Variants in KAT6B observed in about 807,000 individuals in gnomAD.
KAT6B encodes histone acetyltransferase KAT6B.
In KAT6B, 10 loss-of-function variants were observed where a neutral mutation model predicts 187.5. The ratio of observed to expected loss-of-function variants is 0.05; its 90% CI spans 0.03 to 0.09. The LOEUF (loss-of-function observed/expected upper bound fraction) is 0.09. Among genes scored for constraint, KAT6B ranks in the 10% least tolerant of loss-of-function variants. The pLI is 1.00. For synonymous variants in KAT6B, 861 were observed against 926.8 expected, an observed-to-expected ratio of 0.93 and a Z score of 1.29; for missense variants, 1,952 against 2,558.9, an observed-to-expected ratio of 0.76 and a Z score of 5.12.
intron 3 of KAT6B, among the ~76,000 whole-genome samples, chr10:74,900,128 C>A (rs1846274262): frequency 6.6e-6 from 1 of 151,148 alleles, no homozygotes; most frequent in African/African-American, 2.4e-5. Context: ...ATAATGTTAA[C>A]ATTAATTAAG....
At chr10:75,024,668 T>A (rs1367085544) in intron 16 of KAT6B, among the ~76,000 whole-genome samples, 1 of 152,222 alleles carries the variant, frequency 6.6e-6, no homozygotes, top group East Asian at 1.9e-4. Context: ...GAAAAATATA[T>A]GCTAGAAAAG....
At chr10:74,830,902 C>G (rs796238483) in intron 1 of KAT6B, among the ~76,000 whole-genome samples, 16 of 147,258 alleles carry the variant, frequency 1.1e-4, no homozygotes, top group African/African-American at 4.0e-4. Flanking sequence ...ATTCTCCTGC[C>G]TCAGCCTCCT....
intron 3 of KAT6B, among the ~76,000 whole-genome samples, chr10:74,867,754 C>T (rs1009933026): frequency 9.2e-5 from 14 of 152,034 alleles, no homozygotes; most frequent in African/African-American, 2.9e-4. Context: ...TTCTGCAGAC[C>T]AGTTGGTCAG....
At position 75,031,148 on chromosome 10, in the gene KAT6B, T is replaced by A; in HGVS notation, c.*102T>A. ...TTTCAAAACCAGCAATTGGTGTGAA[T>A]GCAAAAACATTTGTTGGCACCATTT... is the stretch of plus-strand genomic sequence containing the variant. On this transcript the variant is annotated 3_prime_UTR_variant, in exon 18 of 18. Coordinates refer to ENST00000287239, the MANE Select transcript of KAT6B (RefSeq NM_012330.4). The A allele has an allele frequency of 1.5e-6, 2 of 1,324,870 alleles. No homozygotes were observed. The highest frequency in any genetic ancestry group is 1.1e-6 in the Non-Finnish European group (1 of 946,424). The allele number at this position is 1,324,870 out of a possible 1,614,324, so 82.1% of individuals were successfully genotyped here. A position where few individuals can be genotyped will look rare whatever the true frequency, so the allele number is the denominator to read the frequency against.
intron 3 of KAT6B, among the ~76,000 whole-genome samples, chr10:74,920,118 T>C (rs1206890193): frequency 1.3e-5 from 2 of 152,196 alleles, no homozygotes; most frequent in South Asian, 2.1e-4. Context: ...TTTGAAAAAG[T>C]ATTTATAGAA....
chr10:74,849,877 C>G (rs1278399370), intron 3 of KAT6B, among the ~76,000 whole-genome samples: 1 of 151,546 alleles, frequency 6.6e-6, no homozygotes, highest in Non-Finnish European at 1.5e-5. Context: ...AGCCAAGATT[C>G]TGACGAGACA....
At chr10:74,863,984 T>C (rs889677612) in intron 3 of KAT6B, among the ~76,000 whole-genome samples, 4 of 152,266 alleles carry the variant, frequency 2.6e-5, no homozygotes, top group Admixed American at 2.6e-4. Flanking sequence ...CAATATACAC[T>C]ACTTTTATGT....
intron 3 of KAT6B, among the ~76,000 whole-genome samples, chr10:74,918,878 A>G (rs1279864364): frequency 2.6e-5 from 4 of 152,154 alleles, no homozygotes; most frequent in Admixed American, 6.5e-5. Context: ...TTTTGACTTC[A>G]ATTGTCAATC....
chr10:74,849,951 T>G (rs1842362542), intron 3 of KAT6B, among the ~76,000 whole-genome samples: 1 of 151,896 alleles, frequency 6.6e-6, no homozygotes, highest in Non-Finnish European at 1.5e-5. Context: ...CTTTTTTTTT[T>G]TTTTTGAGAC....
intron 13 of KAT6B, among the ~76,000 whole-genome samples, chr10:75,009,727 C>T (rs3781251): frequency 0.032 from 4,936 of 152,192 alleles, 142 homozygotes; most frequent in East Asian, 0.082. Flanking sequence ...AGTCCCTGGC[C>T]GGGCGCAGTG....
At chr10:74,977,267 C>T (rs1002963106) in intron 8 of KAT6B, 49 bp from the exon 9 acceptor site, 2 of 1,602,880 alleles carry the variant, frequency 1.2e-6, no homozygotes, top group Non-Finnish European at 1.7e-6. Context: ...ATGGTGGTTA[C>T]TCATGATTCA....
chr10:74,985,065 G>GT lies in KAT6B; in HGVS notation c.2374-12dup. On this transcript the variant is annotated splice_polypyrimidine_tract_variant and intron_variant, in intron 11 of 17. Transcript: ENST00000287239. ...ATTTTTATGTTAAATAATGTTGTCT[G>GT]TTTCTTTTTGCTAGGTTGATGGGAA... The GT allele has an allele frequency of 1.2e-6, 2 of 1,611,948 alleles. No homozygotes were observed. Among genetic ancestry groups the GT allele is most frequent in the Non-Finnish European group, 1.7e-6 (2 of 1,178,112 alleles).
At chr10:74,831,751 C>T (rs1168517623) in intron 1 of KAT6B, among the ~76,000 whole-genome samples, 1 of 152,182 alleles carries the variant, frequency 6.6e-6, no homozygotes, top group Non-Finnish European at 1.5e-5. Context: ...TTGCTGCTTT[C>T]ATATTTGTTA....
chr10:74,865,661 G>T (rs189219112), intron 3 of KAT6B, among the ~76,000 whole-genome samples: 1 of 151,876 alleles, frequency 6.6e-6, no homozygotes, highest in African/African-American at 2.4e-5. Flanking sequence ...GATTACAGGC[G>T]TGCACCACCA....
intron 16 of KAT6B, 50 bp from the exon 17 acceptor site, chr10:75,024,908 C>A (rs781462988): frequency 9.0e-6 from 14 of 1,560,080 alleles, no homozygotes; most frequent in African/African-American, 1.4e-5. Flanking sequence ...TCGACTCAAC[C>A]ATTTAATTTC....
At chr10:74,868,476 C>T (rs961150970) in intron 3 of KAT6B, among the ~76,000 whole-genome samples, 1 of 152,106 alleles carries the variant, frequency 6.6e-6, no homozygotes, top group African/African-American at 2.4e-5. Flanking sequence ...TTTCTCTTCT[C>T]AGAGATTTTT....
chr10:74,908,313 G>A lies in KAT6B; in HGVS notation c.622-51657G>A, dbSNP rs545181436. Among the ~76,000 whole-genome samples the A allele has an allele frequency of 4.1e-3, 629 of 152,026 alleles. 3 individuals are homozygous for A. The highest frequency in any genetic ancestry group is 7.8e-3 in the Non-Finnish European group (529 of 67,936). ...CACAGTGGCTCATGCCTGTAATCGC[G>A]GCACTTTGGGAGGCCGAGGCGGGCA... On this transcript the variant is annotated intron_variant, in intron 3 of 17. Transcript: ENST00000287239.
At chr10:74,923,696 G>C (rs1848300932) in intron 3 of KAT6B, among the ~76,000 whole-genome samples, 1 of 152,214 alleles carries the variant, frequency 6.6e-6, no homozygotes. Context: ...CTGGCGTGGA[G>C]AGAGAGGGGA....
Position 74,887,909 on chromosome 10 carries a change from T to G in KAT6B, c.621+44431T>G, listed in dbSNP as rs528525156. ...TCCAGTGCTTTGGGCTGAGGCACTT[T>G]GGGGAGATTGAGACTGCAGTAAGCT... On this transcript the variant is annotated intron_variant, in intron 3 of 17. Transcript: ENST00000287239. 3.1e-4 allele frequency among the ~76,000 whole-genome samples: 47 copies of G among 152,044 alleles called. No homozygotes were observed. In the South Asian group the frequency reaches 9.6e-3, roughly 31 times the overall value.
Sources: gnomAD v4.1 joint callset for allele counts (sites outside exome capture counted in the v4.1 genomes callset) on GRCh38, gnomAD v4.1.1 for gene constraint, MANE v1.5 for transcripts, NCBI Gene and HGNC (gene_info 2026-07-23, HGNC 2026-07-21) for gene names.